Variants in LOC128706666 observed in about 807,000 individuals in gnomAD.
chr20:10,427,189 GTTTT>G, the LOC128706666 span, among the ~76,000 whole-genome samples: 1 of 152,154 alleles, frequency 6.6e-6, no homozygotes, highest in African/African-American at 2.4e-5. Context: ...AAGCCATCAA[GTTTT>G]TTTAATTGCT....
At chr20:10,428,843 C>CAATA in the LOC128706666 span, among the ~76,000 whole-genome samples, 2 of 151,180 alleles carry the variant, frequency 1.3e-5, no homozygotes, top group South Asian at 2.1e-4. Flanking sequence ...GACTCCGTCT[C>CAATA]AATAAATAAA....
the LOC128706666 span, among the ~76,000 whole-genome samples, chr20:10,418,295 T>G: frequency 6.6e-6 from 1 of 152,218 alleles, no homozygotes; most frequent in South Asian, 2.1e-4. Flanking sequence ...CGAAATGCCC[T>G]TAACTATTAA....
the LOC128706666 span, among the ~76,000 whole-genome samples, chr20:10,419,624 C>T: frequency 4.3e-3 from 648 of 152,222 alleles, 6 homozygotes; most frequent in African/African-American, 0.015. Context: ...AAATTAGGCA[C>T]AATACTCCTG....
chr20:10,427,029 G>GAC, the LOC128706666 span, among the ~76,000 whole-genome samples: 4,996 of 130,632 alleles, frequency 0.038, 177 homozygotes, highest in East Asian at 0.14. Context: ...AGAAAACACT[G>GAC]ACACACACAC....
the LOC128706666 span, among the ~76,000 whole-genome samples, chr20:10,418,083 A>C: frequency 6.6e-6 from 1 of 152,198 alleles, no homozygotes; most frequent in Non-Finnish European, 1.5e-5. Context: ...GTAGGTAAAG[A>C]GTCACTGTTA....
At chr20:10,432,395 A>T in the LOC128706666 span, among the ~76,000 whole-genome samples, 17 of 152,358 alleles carry the variant, frequency 1.1e-4, no homozygotes, top group African/African-American at 4.1e-4. Context: ...ATCTAGAAAC[A>T]TCTTGCTCAA....
the LOC128706666 span, among the ~76,000 whole-genome samples, chr20:10,423,646 C>G: frequency 2.0e-5 from 3 of 152,114 alleles, no homozygotes; most frequent in South Asian, 6.2e-4. Flanking sequence ...ATAGGGTTAG[C>G]TCCCTATAAT....
chr20:10,432,058 C>T, the LOC128706666 span: 2 of 152,358 alleles, frequency 1.3e-5, no homozygotes, highest in Non-Finnish European at 2.9e-5. Context: ...CTGAGACAGA[C>T]CTCGGCTGCC....
chr20:10,426,450 A>AG, the LOC128706666 span, among the ~76,000 whole-genome samples: 3 of 152,292 alleles, frequency 2.0e-5, no homozygotes, highest in African/African-American at 7.2e-5. Flanking sequence ...CTGTTGCCCA[A>AG]GGGGGAGCGT....
At chr20:10,413,787 T>C in the LOC128706666 span, 1 of 565,186 alleles carries the variant, frequency 1.8e-6, no homozygotes. Flanking sequence ...TACAGACTGC[T>C]TTGCAGACCT....
At chr20:10,426,256 T>A in the LOC128706666 span, among the ~76,000 whole-genome samples, 7 of 152,210 alleles carry the variant, frequency 4.6e-5, no homozygotes, top group Non-Finnish European at 1.5e-5. Context: ...AAGCAATTCT[T>A]CAAGTCAAGA....
At chr20:10,430,619 C>T in the LOC128706666 span, among the ~76,000 whole-genome samples, 6 of 152,146 alleles carry the variant, frequency 3.9e-5, no homozygotes, top group Non-Finnish European at 8.8e-5. Context: ...AATAAAAATA[C>T]CCAGTCTCAA....
At chr20:10,416,659 G>T in the LOC128706666 span, among the ~76,000 whole-genome samples, 1 of 152,188 alleles carries the variant, frequency 6.6e-6, no homozygotes, top group Non-Finnish European at 1.5e-5. Context: ...AATGCATTTT[G>T]GGGTAACTGA....
At chr20:10,427,755 C>G in the LOC128706666 span, among the ~76,000 whole-genome samples, 1 of 152,160 alleles carries the variant, frequency 6.6e-6, no homozygotes, top group Non-Finnish European at 1.5e-5. Flanking sequence ...ACTCATTTTG[C>G]TGGACTTCTC....
chr20:10,413,932 C>G, the LOC128706666 span: 1 of 407,184 alleles, frequency 2.5e-6, no homozygotes, highest in South Asian at 1.1e-4. Context: ...GCTTCTTTAC[C>G]TAATAAATAA....
chr20:10,420,710 A>G, the LOC128706666 span: 2 of 152,154 alleles, frequency 1.3e-5, no homozygotes, highest in African/African-American at 4.8e-5. Flanking sequence ...AAAACTTTGT[A>G]GTCTCTCCAC....
At chr20:10,416,365 T>C in the LOC128706666 span, among the ~76,000 whole-genome samples, 1 of 152,106 alleles carries the variant, frequency 6.6e-6, no homozygotes, top group African/African-American at 2.4e-5. Context: ...GGTCCTTTTC[T>C]GCCCAAAAGT....
the LOC128706666 span, among the ~76,000 whole-genome samples, chr20:10,422,550 C>T: frequency 6.6e-6 from 1 of 152,068 alleles, no homozygotes. Context: ...ACAGAGGCTG[C>T]ACCAAAGGTC....
At chr20:10,424,618 A>G in the LOC128706666 span, among the ~76,000 whole-genome samples, 1 of 152,208 alleles carries the variant, frequency 6.6e-6, no homozygotes, top group Non-Finnish European at 1.5e-5. Context: ...TATATTTGAT[A>G]TGGTAGTTAG....
Sources: gnomAD v4.1 joint callset for allele counts (sites outside exome capture counted in the v4.1 genomes callset) on GRCh38, gnomAD v4.1.1 for gene constraint, MANE v1.5 for transcripts.